DNAJA1: variants seen among roughly 807,000 people sequenced by gnomAD.
DNAJA1 encodes DnaJ heat shock protein family (Hsp40) member A1.
A neutral mutation model predicts 47.6 loss-of-function variants in DNAJA1; 26 were observed. That is an observed-to-expected ratio of 0.55 (90% CI 0.40 to 0.76). The LOEUF (loss-of-function observed/expected upper bound fraction) is 0.76, where lower values mean the gene tolerates loss of function less well. Ranked by LOEUF, DNAJA1 falls within the 30% of genes least tolerant of loss-of-function variation. The pLI is 0.00. For synonymous variants in DNAJA1, 165 were observed against 158.4 expected (o/e 1.04, Z -0.31); for missense variants, 315 against 485.0 (o/e 0.65, Z 3.29).
At chr9:33,038,565 A>G (rs1839069270) in intron 8 of DNAJA1, 120 bp from the exon 9 acceptor site, 8 of 862,780 alleles carry the variant, frequency 9.3e-6, no homozygotes, top group Non-Finnish European at 1.4e-5. Context: ...CTAACCTGAG[A>G]TTGGCAGATT....
chr9:33,035,068 G>A (rs1839013859), intron 6 of DNAJA1, among the ~76,000 whole-genome samples: 1 of 149,404 alleles, frequency 6.7e-6, no homozygotes, highest in Non-Finnish European at 1.5e-5. Context: ...ATGGAGTGGA[G>A]GTGAAATTGG....
At chr9:33,026,404 C>T (rs939567383) in intron 1 of DNAJA1, 71 bp from the exon 2 acceptor site, 8 of 1,508,658 alleles carry the variant, frequency 5.3e-6, no homozygotes, top group Non-Finnish European at 6.2e-6. Flanking sequence ...AGAGATTGCT[C>T]GGCCTTAGCT....
intron 6 of DNAJA1, among the ~76,000 whole-genome samples, chr9:33,035,757 C>G (rs1440983761): frequency 6.6e-6 from 1 of 152,092 alleles, no homozygotes; most frequent in Non-Finnish European, 1.5e-5. Flanking sequence ...GCATGAGCCA[C>G]CGCGCCCAGC....
At chr9:33,027,702 T>C (rs1269146366) in intron 3 of DNAJA1, among the ~76,000 whole-genome samples, 2 of 151,872 alleles carry the variant, frequency 1.3e-5, no homozygotes, top group Non-Finnish European at 2.9e-5. Context: ...ACTACAGAAT[T>C]AGCTGGGCGT....
intron 5 of DNAJA1, among the ~76,000 whole-genome samples, chr9:33,032,648 C>T (rs77145177): frequency 3.5e-4 from 53 of 152,302 alleles, no homozygotes; most frequent in Admixed American, 1.4e-3. Flanking sequence ...ACTCTGTATT[C>T]AGGAAAACCT....
intron 5 of DNAJA1, among the ~76,000 whole-genome samples, chr9:33,032,019 C>A (rs1337831042): frequency 6.6e-6 from 1 of 152,102 alleles, no homozygotes; most frequent in Non-Finnish European, 1.5e-5. Flanking sequence ...ATGTATATAA[C>A]CCCAGAAGGA....
rs142974998 is a variant in DNAJA1, at chr9:33,037,200, A to G, written c.975+85A>G. On this transcript the variant is annotated intron_variant, in intron 8 of 8. Transcript: ENST00000330899. ...AAAAGTAAAATTTCAGCCAGGTGCA[A>G]GTAGCTCATGCCTGTAATCCCCGCA... 5.0e-4 allele frequency: 575 copies of G among 1,156,166 alleles called. 3 individuals are homozygous for G. The African/African-American group carries it at 7.6e-3, about 15-fold the overall frequency. 71.6% of individuals were successfully genotyped at this position (1,156,166 alleles called of 1,614,324 possible). A position where few individuals can be genotyped will look rare whatever the true frequency, so the allele number is the denominator to read the frequency against.
At position 33,027,505 on chromosome 9, in the gene DNAJA1, G is replaced by T. The variant is rs554273375; in HGVS notation, c.310+515G>T. Among the ~76,000 whole-genome samples, 74 of 151,162 alleles carry T rather than the reference G, an allele frequency of 4.9e-4. 1 individual carries two copies. Among genetic ancestry groups the T allele is most frequent in the Non-Finnish European group, 6.9e-4 (47 of 67,846 alleles). On this transcript the variant is annotated intron_variant, in intron 3 of 8. Transcript: ENST00000330899. ...TGAGATTTAAGGGGCCTAAAAAATA[G>T]CCAACAGAGTGGTAGCAAATGACTG...
intron 3 of DNAJA1, among the ~76,000 whole-genome samples, chr9:33,029,536 A>G (rs975524571): frequency 5.3e-5 from 8 of 152,254 alleles, no homozygotes; most frequent in African/African-American, 1.9e-4. Flanking sequence ...ATATTGTGAC[A>G]GAAATGAATG....
In DNAJA1 at chr9:33,034,294, T is replaced by C; in HGVS notation, c.722T>C (p.Ile241Thr). ...EPGLEPGDII[I>T]VLDQKDHAVF... is the part of the protein sequence containing the mutation. ...GGACTGGAGCCAGGCGATATTATCA[T>C]TGTGTTAGATCAGAAGGACCATGCT... Residue 241 changes from isoleucine (I) to threonine (T), a missense_variant, in exon 6 of 9, where the codon ATT (isoleucine) becomes ACT (threonine). Ile to Thr is a moderately conservative substitution (Grantham distance 89). Around this residue, in one of 4 missense-constraint regions of DNAJA1, gnomAD observed 45 missense variants for 93.3 expected, o/e 0.48. Coordinates refer to ENST00000330899, the MANE Select transcript of DNAJA1 (RefSeq NM_001539.4). The C allele has an allele frequency of 6.2e-7, 1 of 1,610,574 alleles. No homozygotes were observed. The highest frequency in any genetic ancestry group is 8.5e-7 in the Non-Finnish European group (1 of 1,178,994).
chr9:33,033,929 C>T (rs1383609902), intron 5 of DNAJA1, among the ~76,000 whole-genome samples: 1 of 152,152 alleles, frequency 6.6e-6, no homozygotes, highest in African/African-American at 2.4e-5. Flanking sequence ...GTGTAGGTGT[C>T]TGTGGGAAAG....
intron 8 of DNAJA1, chr9:33,037,391 A>G (rs1386028810): frequency 1.1e-5 from 3 of 268,128 alleles, no homozygotes; most frequent in Non-Finnish European, 2.2e-5. Flanking sequence ...CAAGAAATAT[A>G]TGGATCTGGC....
intron 3 of DNAJA1, among the ~76,000 whole-genome samples, chr9:33,029,256 T>C (rs1838923827): frequency 6.6e-6 from 1 of 152,212 alleles, no homozygotes; most frequent in South Asian, 2.1e-4. Context: ...AAAACATTTA[T>C]CACTGCAGAA....
rs1838876500 is a variant in DNAJA1 at position 33,026,866 on chromosome 9, A to G, written c.186A>G (p.Glu62=). Reference sequence around the variant, plus strand: ...TTCTCTCTGATGCAAAGAAAAGGGAATTATATGACAAAGGAGGAGAACAGG... The same window carrying G: ...TTCTCTCTGATGCAAAGAAAAGGGAGTTATATGACAAAGGAGGAGAACAGG... ...YEVLSDAKKR[E]LYDKGGEQAI... is the part of the protein sequence containing the mutation. The change falls in exon 3 of 9, where the codon GAA becomes GAG. Residue 62 remains glutamate, a synonymous_variant. Transcript: ENST00000330899. 6.2e-7 allele frequency: 1 copy of G among 1,614,222 alleles called. No homozygotes were observed. The highest frequency in any genetic ancestry group is 8.5e-7 in the Non-Finnish European group (1 of 1,180,032).
chr9:33,035,133 T>TA (rs1839014779), intron 6 of DNAJA1, among the ~76,000 whole-genome samples: 1 of 151,712 alleles, frequency 6.6e-6, no homozygotes, highest in African/African-American at 2.4e-5. Context: ...TTTGGTGGCT[T>TA]ACGCCTGTAA....
In DNAJA1 at chr9:33,036,983, C is replaced by G. The variant is rs16918959; in HGVS notation, c.875-32C>G. ...CCTGCCTCATAAAAATGTGACCATA[C>G]TTAAGGAAGAACTTGGCTTCAATGT... On this transcript the variant is annotated intron_variant, in intron 7 of 8. Coordinates refer to ENST00000330899, the MANE Select transcript of DNAJA1 (RefSeq NM_001539.4). 5.2e-3 allele frequency: 8,235 copies of G among 1,580,100 alleles called. 352 individuals are homozygous for G. The African/African-American group carries it at 0.099, about 19-fold the overall frequency.
At chr9:33,035,761 G>A (rs1023478902) in intron 6 of DNAJA1, among the ~76,000 whole-genome samples, 9 of 152,060 alleles carry the variant, frequency 5.9e-5, no homozygotes, top group Non-Finnish European at 1.0e-4. Flanking sequence ...GAGCCACCGC[G>A]CCCAGCCTAA....
At position 33,026,812 on chromosome 9, in the gene DNAJA1, G is replaced by T; in HGVS notation, c.133-1G>T. Reference sequence around the variant, plus strand: ...AAATTCACTCCTCTTTTCTCAAACAGTTTAAACAGATTTCTCAAGCTTACG... The same window carrying T: ...AAATTCACTCCTCTTTTCTCAAACATTTTAAACAGATTTCTCAAGCTTACG... On this transcript the variant is annotated splice_acceptor_variant, in intron 2 of 8. Coordinates refer to ENST00000330899, the MANE Select transcript of DNAJA1 (RefSeq NM_001539.4). LOFTEE classifies it high-confidence loss of function. 1 of 1,613,348 alleles carries T rather than the reference G, an allele frequency of 6.2e-7. No homozygotes were observed. Among genetic ancestry groups the T allele is most frequent in the Non-Finnish European group, 8.5e-7 (1 of 1,179,808 alleles).
In DNAJA1 at chr9:33,030,434, A is replaced by G; in HGVS notation, c.416-6A>G. 6.2e-7 allele frequency: 1 copy of G among 1,608,858 alleles called. No homozygotes were observed. Among genetic ancestry groups the G allele is most frequent in the Non-Finnish European group, 8.5e-7 (1 of 1,177,874 alleles). Reference sequence around the variant, plus strand: ...ATACATTATTTAATTTTCTTTTTAAATTTAGGTAGAGGAGGTAAGAAAGGA... The same window carrying G: ...ATACATTATTTAATTTTCTTTTTAAGTTTAGGTAGAGGAGGTAAGAAAGGA... On this transcript the variant is annotated splice_polypyrimidine_tract_variant and splice_region_variant and intron_variant, in intron 4 of 8. Transcript: ENST00000330899.
Sources: allele counts gnomAD v4.1 joint callset (sites outside exome capture counted in the v4.1 genomes callset), GRCh38; gene constraint gnomAD v4.1.1; regional missense constraint gnomAD v4.1.1; transcripts MANE v1.5; gene names NCBI Gene and HGNC (gene_info 2026-07-23, HGNC 2026-07-21).